The following PCDHA6 variants were observed in gnomAD, a reference collection of about 807,000 sequenced individuals.
PCDHA6 encodes protocadherin alpha 6.
PCDHA6 carries 55 observed loss-of-function variants against 60.3 expected under a neutral mutation model. That is an observed-to-expected ratio of 0.91 (90% CI 0.73 to 1.14). The LOEUF is 1.14. Ranked by LOEUF, PCDHA6 falls within the 50% of genes most tolerant of loss-of-function variation. PCDHA6 has a pLI of 0.00. For missense variants in PCDHA6, 1,327 were observed against 1,256.5 expected (o/e 1.06, Z -0.85); for synonymous variants, 652 against 557.9 (o/e 1.17, Z -2.38).
At chr5:140,995,629 T>C (rs1333793289) in intron 3 of PCDHA6, among the ~76,000 whole-genome samples, 1 of 152,164 alleles carries the variant, frequency 6.6e-6, no homozygotes, top group Admixed American at 6.5e-5. Context: ...TTGGAAACTT[T>C]GGAGTGTTTA....
intron 1 of PCDHA6, among the ~76,000 whole-genome samples, chr5:140,845,100 T>G (rs1393397461): frequency 1.3e-5 from 2 of 149,736 alleles, no homozygotes; most frequent in Non-Finnish European, 3.0e-5. Flanking sequence ...TACAGTTCTC[T>G]TAATGCCTGT....
chr5:140,858,120 T>A, intron 1 of PCDHA6: 1 of 1,597,738 alleles, frequency 6.3e-7, no homozygotes, highest in Non-Finnish European at 8.6e-7. Context: ...GAGGTGGCCC[T>A]GGTGGATGTC....
intron 1 of PCDHA6, among the ~76,000 whole-genome samples, chr5:140,872,690 T>C (rs1485284839): frequency 6.6e-6 from 1 of 152,210 alleles, no homozygotes; most frequent in Non-Finnish European, 1.5e-5. Context: ...ATGGCATGAT[T>C]TATGATTCCA....
At chr5:140,921,101 C>A (rs1331761775) in intron 1 of PCDHA6, among the ~76,000 whole-genome samples, 1 of 152,002 alleles carries the variant, frequency 6.6e-6, no homozygotes, top group Non-Finnish European at 1.5e-5. Context: ...CTGCCTCAGT[C>A]TCCTAAGTAG....
intron 1 of PCDHA6, among the ~76,000 whole-genome samples, chr5:140,911,106 G>T (rs192768876): frequency 6.6e-6 from 1 of 152,214 alleles, no homozygotes; most frequent in Non-Finnish European, 1.5e-5. Flanking sequence ...TGCCTCAGGG[G>T]AAGCCATCAC....
chr5:140,830,617 T>C, intron 1 of PCDHA6, 132 bp downstream of exon 1: 1 of 601,712 alleles, frequency 1.7e-6, no homozygotes, highest in Non-Finnish European at 2.5e-6. Context: ...CATTTTATTG[T>C]GTTTCTTATT....
intron 3 of PCDHA6, among the ~76,000 whole-genome samples, chr5:140,999,619 G>A (rs2097865766): frequency 6.6e-6 from 1 of 152,146 alleles, no homozygotes; most frequent in Non-Finnish European, 1.5e-5. Flanking sequence ...TTATCAACCA[G>A]GAAACAAGGT....
chr5:140,849,790 C>A (rs2150450402), intron 1 of PCDHA6: 2 of 1,598,236 alleles, frequency 1.3e-6, no homozygotes, highest in Admixed American at 3.4e-5. Context: ...GACGGGGGCT[C>A]GCCTTCACTG....
chr5:140,954,057 A>C (rs1554221238), intron 1 of PCDHA6, among the ~76,000 whole-genome samples: 1 of 152,112 alleles, frequency 6.6e-6, no homozygotes, highest in Admixed American at 6.5e-5. Flanking sequence ...TTCCTGCATT[A>C]TTATGCTGAG....
At chr5:140,848,593 A>G in intron 1 of PCDHA6, 1 of 1,593,964 alleles carries the variant, frequency 6.3e-7, no homozygotes, top group Non-Finnish European at 8.6e-7. Flanking sequence ...CAGCTCCACT[A>G]CTCCGTCCCG....
At chr5:140,949,626 G>A (rs2094403314) in intron 1 of PCDHA6, among the ~76,000 whole-genome samples, 1 of 151,546 alleles carries the variant, frequency 6.6e-6, no homozygotes, top group Non-Finnish European at 1.5e-5. Context: ...CTGTTTTCAT[G>A]GCATATTGCT....
chr5:140,845,560 A>G (rs2150379954), intron 1 of PCDHA6, among the ~76,000 whole-genome samples: 47 of 149,642 alleles, frequency 3.1e-4, no homozygotes, highest in African/African-American at 1.1e-3. Context: ...GCTTTTAGCT[A>G]TTAAGAATTT....
At chr5:140,878,225 A>G (rs1554170330) in intron 1 of PCDHA6, 1 of 156,262 alleles carries the variant, frequency 6.4e-6, no homozygotes, top group Non-Finnish European at 1.4e-5. Context: ...CCTAGATCCC[A>G]TTAATGGATT....
At chr5:140,926,255 G>T (rs562420240) in intron 1 of PCDHA6, 1 of 152,224 alleles carries the variant, frequency 6.6e-6, no homozygotes, top group African/African-American at 2.4e-5. Flanking sequence ...TCACCGTCCC[G>T]CCTCTCGCCG....
chr5:140,957,614 T>C (rs1208546101), intron 1 of PCDHA6, among the ~76,000 whole-genome samples: 6 of 152,134 alleles, frequency 3.9e-5, no homozygotes, highest in African/African-American at 1.4e-4. Flanking sequence ...CACAGACATA[T>C]ACATGCACAC....
intron 1 of PCDHA6, chr5:140,841,578 T>C: frequency 1.2e-6 from 2 of 1,614,008 alleles, no homozygotes; most frequent in Non-Finnish European, 1.7e-6. Flanking sequence ...ATTTTGTTTG[T>C]GAATTCTCGG....
At chr5:140,965,195 T>C (rs1368041910) in intron 1 of PCDHA6, among the ~76,000 whole-genome samples, 3 of 152,198 alleles carry the variant, frequency 2.0e-5, no homozygotes, top group Admixed American at 6.5e-5. Context: ...CATGAGGCAA[T>C]AGATTTCAAA....
At chr5:140,965,864 G>A (rs553582487) in intron 1 of PCDHA6, among the ~76,000 whole-genome samples, 1 of 152,254 alleles carries the variant, frequency 6.6e-6, no homozygotes, top group East Asian at 1.9e-4. Flanking sequence ...CTGAAAATAA[G>A]GGCCACTTGG....
chr5:140,970,471 G>T (rs773565871), intron 1 of PCDHA6, among the ~76,000 whole-genome samples: 1 of 152,142 alleles, frequency 6.6e-6, no homozygotes, highest in African/African-American at 2.4e-5. Context: ...TAGGTATAAG[G>T]CCAGCTTGTT....
Sources: gnomAD v4.1 joint callset for allele counts (sites outside exome capture counted in the v4.1 genomes callset) on GRCh38, gnomAD v4.1.1 for gene constraint, MANE v1.5 for transcripts, NCBI Gene and HGNC (gene_info 2026-07-23, HGNC 2026-07-21) for gene names.